Variants in NIBAN2 observed in about 807,000 individuals in gnomAD.
The protein encoded by NIBAN2 is protein Niban 2.
NIBAN2 carries 36 observed loss-of-function variants against 81.8 expected under a neutral mutation model. The observed-to-expected ratio is 0.44, with a 90% CI of 0.34 to 0.58. NIBAN2 has a LOEUF of 0.58. Ranked by LOEUF, NIBAN2 falls within the 20% of genes least tolerant of loss-of-function variation. The pLI, the probability that NIBAN2 is intolerant of heterozygous loss-of-function variation, is 0.02. For synonymous variants in NIBAN2, 445 were observed against 441.6 expected (o/e 1.01, Z -0.10); for missense variants, 897 against 1,014.1 (o/e 0.88, Z 1.57).
intron 8 of NIBAN2, among the ~76,000 whole-genome samples, chr9:127,513,902 A>G (rs535746475): frequency 9.2e-5 from 14 of 152,320 alleles, no homozygotes; most frequent in Admixed American, 7.8e-4. Context: ...TACAGAATGA[A>G]TAAGCCCTAG....
At chr9:127,528,092 G>C (rs2132183315) in intron 2 of NIBAN2, among the ~76,000 whole-genome samples, 1 of 152,336 alleles carries the variant, frequency 6.6e-6, no homozygotes, top group South Asian at 2.1e-4. Context: ...AGTAAGAGTT[G>C]GCACCTGACA....
At chr9:127,555,596 G>T (rs1430145958) in intron 1 of NIBAN2, among the ~76,000 whole-genome samples, 1 of 152,204 alleles carries the variant, frequency 6.6e-6, no homozygotes, top group Non-Finnish European at 1.5e-5. Flanking sequence ...AGGGTCACGT[G>T]AACAGCACAC....
At chr9:127,510,371 A>C (rs1167496541) in intron 8 of NIBAN2, 38 bp from the exon 9 acceptor site, 1 of 1,528,010 alleles carries the variant, frequency 6.5e-7, no homozygotes, top group Admixed American at 1.9e-5. Flanking sequence ...GGGGCTCCCC[A>C]AGGAGCACCT....
At chr9:127,533,853 AC>A (rs1259693245) in intron 1 of NIBAN2, among the ~76,000 whole-genome samples, 1 of 152,248 alleles carries the variant, frequency 6.6e-6, no homozygotes, top group Non-Finnish European at 1.5e-5. Context: ...TAAAAAATAA[AC>A]ATTCTAAAAT....
chr9:127,575,330 G>A (rs1279574382), intron 1 of NIBAN2, among the ~76,000 whole-genome samples: 1 of 151,166 alleles, frequency 6.6e-6, no homozygotes, highest in Non-Finnish European at 1.5e-5. Context: ...CTGGGTTCAA[G>A]CAATTCTCTG....
At position 127,509,135 on chromosome 9, in the gene NIBAN2, C is replaced by T. The variant is rs1836678548; in HGVS notation, c.1162-4G>A. 3 of 1,608,852 alleles carry T rather than the reference C, an allele frequency of 1.9e-6. No individual in the cohort carries two copies. The highest frequency in any genetic ancestry group is 1.3e-5 in the African/African-American group (1 of 75,008). Reference sequence around the variant, plus strand: ...GCCGGGACAGCTTCTCCATGTACTGCAGGGGCCGGGGCCGCGGGGGCTGAG... The same window carrying T: ...GCCGGGACAGCTTCTCCATGTACTGTAGGGGCCGGGGCCGCGGGGGCTGAG... On this transcript the variant is annotated splice_polypyrimidine_tract_variant and splice_region_variant and intron_variant, in intron 9 of 13. Coordinates refer to ENST00000373312, the MANE Select transcript of NIBAN2 (RefSeq NM_022833.4).
chr9:127,550,159 G>A (rs996728816), intron 1 of NIBAN2, among the ~76,000 whole-genome samples: 1 of 152,120 alleles, frequency 6.6e-6, no homozygotes, highest in African/African-American at 2.4e-5. Flanking sequence ...AGTGACCCTG[G>A]ACAAGCCCCC....
chr9:127,535,285 G>A (rs1479653594), intron 1 of NIBAN2, among the ~76,000 whole-genome samples: 6 of 152,246 alleles, frequency 3.9e-5, no homozygotes, highest in African/African-American at 1.2e-4. Context: ...ACCGCAGCCC[G>A]TGCTCAACTG....
At chr9:127,569,929 A>G (rs1279882661), upstream of NIBAN2, among the ~76,000 whole-genome samples, 6 of 152,192 alleles carry the variant, frequency 3.9e-5, no homozygotes, top group Non-Finnish European at 7.3e-5. Flanking sequence ...GCACCAGCCT[A>G]TGGGGCTGGG....
chr9:127,508,938 G>A lies in NIBAN2; in HGVS notation c.1317+38C>T. 2 of 1,611,890 alleles carry A rather than the reference G, an allele frequency of 1.2e-6. No individual in the cohort carries two copies. Among genetic ancestry groups the A allele is most frequent in the Non-Finnish European group, 8.5e-7 (1 of 1,179,204 alleles). The stretch of plus-strand genomic sequence containing the variant: ...GCGAGGGGGCCTGTGGAAGGCAGTG[G>A]ACAGGGTGTGGGGTGGGGGTCGTAG... On this transcript the variant is annotated intron_variant, in intron 10 of 13. Transcript: ENST00000373312. The surrounding 1 kb of genome is among the most constrained non-coding windows in gnomAD (Gnocchi z 6.4).
In NIBAN2 at chr9:127,509,063, C is replaced by G; in HGVS notation, c.1230G>C (p.Glu410Asp). The change falls in exon 10 of 14, where the codon GAG (glutamate) becomes GAC (aspartate). Residue 410 changes from glutamate (E) to aspartate (D), a missense_variant. Glu to Asp is a conservative substitution (Grantham distance 45, BLOSUM62 2). Transcript: ENST00000373312. Reference protein sequence around the residue: ...LKMQSCYEKMESLRLDGLQQR... With the variant: ...LKMQSCYEKMDSLRLDGLQQR... The stretch of plus-strand genomic sequence containing the variant: ...GCTGCAGCCCGTCCAGTCGCAGCGA[C>G]TCCATCTTCTCATAGCAGCTCTGCA... 6.2e-7 allele frequency: 1 copy of G among 1,613,792 alleles called. No individual in the cohort carries two copies.
intron 5 of NIBAN2, among the ~76,000 whole-genome samples, chr9:127,520,259 A>G (rs112009291): frequency 0.049 from 5,698 of 116,112 alleles, 187 homozygotes; most frequent in Middle Eastern, 0.08. Context: ...TTTTTTTCTG[A>G]GAAGAGTCTT....
chr9:127,539,308 G>A (rs1013337477), intron 1 of NIBAN2, among the ~76,000 whole-genome samples: 7 of 152,160 alleles, frequency 4.6e-5, no homozygotes, highest in Non-Finnish European at 8.8e-5. Context: ...ACGAGGACCC[G>A]CAATGCCGCT....
chr9:127,527,055 G>T, intron 3 of NIBAN2, 139 bp downstream of exon 3: 3 of 1,006,146 alleles, frequency 3.0e-6, no homozygotes, highest in Non-Finnish European at 4.5e-6. Context: ...GAGGGGAGGG[G>T]CTGAGGTGGT....
intron 1 of NIBAN2, among the ~76,000 whole-genome samples, chr9:127,543,094 G>A (rs564613895): frequency 2.0e-5 from 3 of 152,314 alleles, no homozygotes; most frequent in East Asian, 3.9e-4. Flanking sequence ...GCCAAGGCCC[G>A]ACAATGACAG....
chr9:127,545,085 G>A lies in NIBAN2; in HGVS notation c.56-13307C>T, dbSNP rs930704127. Among the ~76,000 whole-genome samples the A allele has an allele frequency of 3.9e-5, 6 of 152,154 alleles. No homozygotes were observed. Among genetic ancestry groups the A allele is most frequent in the African/African-American group, 7.2e-5 (3 of 41,440 alleles). ...CACACCCAGCGAACCCAAGCGAACC[G>A]CAACCTCAGCCCCTCAGCTTCCTCC... On this transcript the variant is annotated intron_variant, in intron 1 of 13. Coordinates refer to ENST00000373312, the MANE Select transcript of NIBAN2 (RefSeq NM_022833.4). The surrounding 1 kb of genome is among the most constrained non-coding windows in gnomAD (Gnocchi z 4.7).
At chr9:127,566,136 A>T (rs912929653) in intron 1 of NIBAN2, among the ~76,000 whole-genome samples, 4 of 152,068 alleles carry the variant, frequency 2.6e-5, no homozygotes, top group Non-Finnish European at 5.9e-5. Flanking sequence ...TGTCTCAAAA[A>T]AAAAAAGATA....
rs759415108 is a variant in NIBAN2 at position 127,510,117 on chromosome 9, C to T, written c.1161+29G>A. 5.7e-6 allele frequency: 9 copies of T among 1,582,760 alleles called. No individual in the cohort carries two copies. In the East Asian group the frequency reaches 2.0e-4, roughly 36 times the overall value. ...ACAGACCAGACCTACTCTCAGGAGA[C>T]CCCCTCCTAGGGGCGGTGCCGGCCT... On this transcript the variant is annotated intron_variant, in intron 9 of 13. Transcript: ENST00000373312.
chr9:127,542,971 C>T (rs1298827358), intron 1 of NIBAN2, among the ~76,000 whole-genome samples: 2 of 152,178 alleles, frequency 1.3e-5, no homozygotes, highest in African/African-American at 2.4e-5. Flanking sequence ...GTGATCCACC[C>T]GCCTCAGCCT....
Sources: gnomAD v4.1 joint callset for allele counts (sites outside exome capture counted in the v4.1 genomes callset) on GRCh38, gnomAD v4.1.1 for gene constraint, Gnocchi (gnomAD v3.1) non-coding constraint, MANE v1.5 for transcripts, NCBI Gene and HGNC (gene_info 2026-07-23, HGNC 2026-07-21) for gene names.